Variants in BRD1 observed in about 807,000 individuals in gnomAD.
BRD1 encodes the protein bromodomain containing 1.
Under a neutral mutation model 107.7 loss-of-function variants are expected in BRD1, and 24 were observed. That is an observed-to-expected ratio of 0.22 (90% CI 0.16 to 0.31). The LOEUF is 0.31. BRD1 is among the 10% of genes least tolerant of loss of function. The pLI is 1.00. For missense variants in BRD1, 1,279 were observed against 1,638.6 expected, an observed-to-expected ratio of 0.78 and a Z score of 3.79; for synonymous variants, 744 against 686.1, an observed-to-expected ratio of 1.08 and a Z score of -1.32.
chr22:49,804,296 T>A lies in BRD1; in HGVS notation c.1432A>T (p.Ser478Cys), dbSNP rs774498104. Residue 478 changes from serine (S) to cysteine (C), a missense_variant, in exon 3 of 13, where the codon AGC becomes TGC. By Grantham distance (112) the Ser-to-Cys change is moderately radical. Transcript: ENST00000404760. ...RKKQFVERAH[S>C]YWLLKRLSRN... ...GACAGCCGCTTGAGCAGCCAGTAGC[T>A]GTGGGCTCGCTCCACAAACTGCTTC... 1.2e-6 allele frequency: 2 copies of A among 1,610,846 alleles called. No individual in the cohort carries two copies. The highest frequency in any genetic ancestry group is 3.4e-5 in the Admixed American group (2 of 59,558).
chr22:49,827,782 G>GCGCGGGAGCGGGC lies in BRD1; in HGVS notation c.-301_-300insGCCCGCTCCCGCG, dbSNP rs1315283802. On this transcript the variant is annotated 5_prime_UTR_variant, in exon 1 of 13. Coordinates refer to ENST00000404760, the MANE Select transcript of BRD1 (RefSeq NM_001304808.3). ...CCGGCGGGCGCGGGCGCGGGCGCGG[G>GCGCGGGAGCGGGC]AGCGGGCGGCGGGCGGCGGGCGCGG... 1.4e-5 allele frequency among the ~76,000 whole-genome samples: 2 copies of GCGCGGGAGCGGGC among 143,590 alleles called. No individual in the cohort carries two copies. Among genetic ancestry groups the GCGCGGGAGCGGGC allele is most frequent in the African/African-American group, 2.5e-5 (1 of 39,816 alleles). The allele number at this position is 143,590 out of a possible 152,430, so 94.2% of individuals were successfully genotyped here.
At chr22:49,779,698 C>G (rs1360250744) in intron 8 of BRD1, among the ~76,000 whole-genome samples, 1 of 152,148 alleles carries the variant, frequency 6.6e-6, no homozygotes, top group Non-Finnish European at 1.5e-5. Flanking sequence ...AGACCCTGCA[C>G]ACTCAGGCCC....
chr22:49,779,037 T>C (rs1317562351), intron 8 of BRD1, among the ~76,000 whole-genome samples: 1 of 152,204 alleles, frequency 6.6e-6, no homozygotes, highest in African/African-American at 2.4e-5. Flanking sequence ...TTAAATCTAT[T>C]TCCAAAGGAA....
At chr22:49,775,840 C>CCCCCCCTT in intron 11 of BRD1, 95 bp from the exon 12 acceptor site, 5 of 1,223,912 alleles carry the variant, frequency 4.1e-6, no homozygotes, top group South Asian at 4.0e-5. Context: ...CCCACCCCAG[C>CCCCCCCTT]TGTGTGAGCC....
intron 2 of BRD1, chr22:49,817,375 TC>T (rs2059973919): frequency 5.7e-6 from 1 of 174,564 alleles, no homozygotes. Context: ...AGTTCAGACT[TC>T]CTGCTAACAA....
intron 8 of BRD1, among the ~76,000 whole-genome samples, chr22:49,786,243 G>GA (rs1159289603): frequency 6.6e-6 from 1 of 152,238 alleles, no homozygotes; most frequent in African/African-American, 2.4e-5. Context: ...CACGCTTCCA[G>GA]AAAAGAGTCG....
rs1199337308 is a variant in BRD1 at position 49,775,929 on chromosome 22, C to T, written c.3231+121G>A. 22 of 1,218,714 alleles carry T rather than the reference C, an allele frequency of 1.8e-5. No homozygotes were observed. In the African/African-American group the frequency reaches 1.9e-4, roughly 10 times the overall value. 75.5% of individuals were successfully genotyped at this position (1,218,714 alleles called of 1,614,324 possible). A position where few individuals can be genotyped will look rare whatever the true frequency, so the allele number is the denominator to read the frequency against. ...TGTGTGAACCTCCTCTGACCAACCC[C>T]GCCCCCCCGCCAGCTGTGGAACCTC... On this transcript the variant is annotated intron_variant, in intron 11 of 12. Transcript: ENST00000404760.
chr22:49,819,468 G>A (rs1273058591), intron 2 of BRD1, among the ~76,000 whole-genome samples: 2 of 152,070 alleles, frequency 1.3e-5, no homozygotes, highest in Non-Finnish European at 2.9e-5. Context: ...TGGGGGAGTC[G>A]CTTGAGCCCA....
In BRD1 at chr22:49,824,738, C is replaced by G. The variant is rs1380166122; in HGVS notation, c.-14-407G>C. ...CAGGAAGTCCACATACAGGGCTGGACCCCACCAGGCACAGAGGCTATGCCC... is the reference window on the plus strand; with the variant it reads ...CAGGAAGTCCACATACAGGGCTGGAGCCCACCAGGCACAGAGGCTATGCCC... On this transcript the variant is annotated intron_variant, in intron 1 of 12. Transcript: ENST00000404760. This position sits in a 1 kb window ranked among gnomAD's most constrained non-coding sequence, Gnocchi z 5.9. 9.5e-7 allele frequency: 1 copy of G among 1,051,372 alleles called. No individual in the cohort carries two copies. Among genetic ancestry groups the G allele is most frequent in the African/African-American group, 1.7e-5 (1 of 60,320 alleles). The allele number at this position is 1,051,372 out of a possible 1,614,324, so 65.1% of individuals were successfully genotyped here. A position where few individuals can be genotyped will look rare whatever the true frequency, so the allele number is the denominator to read the frequency against.
At chr22:49,785,235 G>A (rs2059300091) in intron 8 of BRD1, among the ~76,000 whole-genome samples, 1 of 152,282 alleles carries the variant, frequency 6.6e-6, no homozygotes, top group Non-Finnish European at 1.5e-5. Context: ...CACAGCTGGG[G>A]CAGGGCCCGG....
chr22:49,788,545 G>A (rs1394250617), intron 7 of BRD1, among the ~76,000 whole-genome samples: 1 of 152,194 alleles, frequency 6.6e-6, no homozygotes, highest in African/African-American at 2.4e-5. Flanking sequence ...GGAAAAAGAC[G>A]GCTTTAACCT....
chr22:49,787,299 ACCCCCCC>A, intron 8 of BRD1, 84 bp downstream of exon 8: 2 of 544,640 alleles, frequency 3.7e-6, no homozygotes, highest in African/African-American at 2.3e-5. Flanking sequence ...GAAGCTGGAC[ACCCCCCC>A]CCCCCCGTCA....
chr22:49,798,692 G>T lies in BRD1; in HGVS notation c.1657-6C>A, dbSNP rs1283164104. 2.6e-5 allele frequency: 41 copies of T among 1,595,324 alleles called. No individual in the cohort carries two copies. Among genetic ancestry groups the T allele is most frequent in the Non-Finnish European group, 3.3e-5 (39 of 1,171,928 alleles). The stretch of plus-strand genomic sequence containing the variant: ...GCGACCTGCTCCACCTTCACCTGGG[G>T]GGGCCCAGCAGAGCCTCAGCTTTAG... On this transcript the variant is annotated splice_polypyrimidine_tract_variant and splice_region_variant and intron_variant, in intron 4 of 12. Transcript: ENST00000404760.
chr22:49,812,494 T>C (rs939964293), intron 2 of BRD1, among the ~76,000 whole-genome samples: 4 of 152,126 alleles, frequency 2.6e-5, no homozygotes, highest in Admixed American at 6.5e-5. Context: ...TCACTTGAAC[T>C]CTGGAGGTGG....
chr22:49,794,338 C>T, intron 6 of BRD1, 44 bp from the exon 7 acceptor site: 1 of 1,569,520 alleles, frequency 6.4e-7, no homozygotes, highest in Non-Finnish European at 8.6e-7. Context: ...GTCCCACGCA[C>T]CTTCTGGGAA....
rs755643978 is a variant in BRD1 at position 49,787,450 on chromosome 22, G to A, written c.2797C>T (p.Arg933Trp). 19 of 1,614,078 alleles carry A rather than the reference G, an allele frequency of 1.2e-5. No homozygotes were observed. The highest frequency in any genetic ancestry group is 2.2e-5 in the East Asian group (1 of 44,892). Residue 933 changes from arginine to tryptophan, a missense_variant, in exon 8 of 13, where the codon CGG becomes TGG. By Grantham distance (101) the Arg-to-Trp change is moderately radical. This residue lies in a region of BRD1 where 263 missense variants were observed against 251.6 expected (regional missense o/e 1.05). Transcript: ENST00000404760. ...ETLLQPRKRS[R>W]STCGDSEVEE... Reference sequence around the variant, plus strand: ...ACCTCGGAGTCTCCGCATGTGCTCCGCGACCTTTTCCTTGGCTGCAGAAGA... The same window carrying A: ...ACCTCGGAGTCTCCGCATGTGCTCCACGACCTTTTCCTTGGCTGCAGAAGA...
intron 2 of BRD1, among the ~76,000 whole-genome samples, chr22:49,818,945 G>C (rs757348231): frequency 6.6e-6 from 1 of 152,074 alleles, no homozygotes; most frequent in Non-Finnish European, 1.5e-5. Flanking sequence ...ACTGATGTAT[G>C]CTGGAGAGAG....
At chr22:49,814,418 C>T (rs2059911660) in intron 2 of BRD1, among the ~76,000 whole-genome samples, 1 of 152,214 alleles carries the variant, frequency 6.6e-6, no homozygotes, top group African/African-American at 2.4e-5. Flanking sequence ...TGAATCTCAC[C>T]TCAGGGGACT....
Position 49,824,396 on chromosome 22 carries a change from A to G in BRD1, c.-14-65T>C. 6.4e-7 allele frequency: 1 copy of G among 1,569,896 alleles called. No homozygotes were observed. ...TGACCAAAGACTCGAGAAAACCACA[A>G]AAGCATGCTTGGACAGATCTAGCTC... is the stretch of plus-strand genomic sequence containing the variant. On this transcript the variant is annotated intron_variant, in intron 1 of 12. Coordinates refer to ENST00000404760, the MANE Select transcript of BRD1 (RefSeq NM_001304808.3). This position sits in a 1 kb window ranked among gnomAD's most constrained non-coding sequence, Gnocchi z 5.9.
Sources: gnomAD v4.1 joint callset for allele counts (sites outside exome capture counted in the v4.1 genomes callset) on GRCh38, gnomAD v4.1.1 for gene constraint, gnomAD v4.1.1 regional missense constraint, Gnocchi (gnomAD v3.1) non-coding constraint, MANE v1.5 for transcripts, NCBI Gene and HGNC (gene_info 2026-07-23, HGNC 2026-07-21) for gene names.